MTX2: variants seen among roughly 807,000 people sequenced by gnomAD.
MTX2 encodes the protein metaxin-2.
A neutral mutation model predicts 42.3 loss-of-function variants in MTX2; 35 were observed. The ratio of observed to expected loss-of-function variants is 0.83; its 90% CI spans 0.63 to 1.10. The LOEUF (loss-of-function observed/expected upper bound fraction) is 1.10, where lower values mean the gene tolerates loss of function less well. MTX2 is among the 50% of genes least tolerant of loss of function. The pLI, the probability that MTX2 is intolerant of heterozygous loss-of-function variation, is 0.00. For synonymous variants in MTX2, 119 were observed against 100.9 expected, an observed-to-expected ratio of 1.18 and a Z score of -1.08; for missense variants, 307 against 304.1, an observed-to-expected ratio of 1.01 and a Z score of -0.07.
At chr2:176,330,500 A>T (rs1003673490) in intron 8 of MTX2, 84 bp from the exon 9 acceptor site, 2 of 909,352 alleles carry the variant, frequency 2.2e-6, no homozygotes, top group Non-Finnish European at 3.3e-6. Flanking sequence ...TTTGTTATAA[A>T]CTGTGATACA....
rs914345373 is a variant in MTX2 at position 176,324,610 on chromosome 2, A to G, written c.208+1146A>G. ...CAAACAGTTTGTATATTTATGTAAAAAGGTTAGAAGGTTAGTAATCTAATG... is the reference window on the plus strand; with the variant it reads ...CAAACAGTTTGTATATTTATGTAAAGAGGTTAGAAGGTTAGTAATCTAATG... On this transcript the variant is annotated intron_variant, in intron 4 of 9. Transcript: ENST00000249442. Among the ~76,000 whole-genome samples, 5 of 151,608 alleles carry G rather than the reference A, an allele frequency of 3.3e-5. No homozygotes were observed. The South Asian group carries it at 1.0e-3, about 31-fold the overall frequency.
At position 176,307,263 on chromosome 2, in the gene MTX2, C is replaced by G. The variant is rs189214622; in HGVS notation, c.135+9368C>G. Among the ~76,000 whole-genome samples the G allele has an allele frequency of 1.6e-3, 244 of 152,242 alleles. 2 individuals are homozygous for G. Among genetic ancestry groups the G allele is most frequent in the African/African-American group, 5.4e-3 (224 of 41,538 alleles). On this transcript the variant is annotated intron_variant, in intron 3 of 9. Coordinates refer to ENST00000249442, the MANE Select transcript of MTX2 (RefSeq NM_006554.5). Reference sequence around the variant, plus strand: ...GAGGGCTCTGTTCTGTTCCATTGGTCTATATCTGTGTTTTGGTACCAGTAC... The same window carrying G: ...GAGGGCTCTGTTCTGTTCCATTGGTGTATATCTGTGTTTTGGTACCAGTAC...
In MTX2 at chr2:176,278,041, G is replaced by GTTTTT. The variant is rs59379339; in HGVS notation, c.40+8395_40+8399dup. On this transcript the variant is annotated intron_variant, in intron 1 of 9. Transcript: ENST00000249442. ...TGTATTGCTGAATAGGTTGAAACTG[G>GTTTTT]TTTTTTTTTTTTTTTTTTTTTTTTT... is the stretch of plus-strand genomic sequence containing the variant. Among the ~76,000 whole-genome samples the GTTTTT allele has an allele frequency of 8.3e-5, 7 of 84,836 alleles. 1 individual carries two copies. The highest frequency in any genetic ancestry group is 3.8e-4 in the East Asian group (1 of 2,648). 55.7% of individuals were successfully genotyped at this position (84,836 alleles called of 152,430 possible). A position where few individuals can be genotyped will look rare whatever the true frequency, so the allele number is the denominator to read the frequency against.
intron 9 of MTX2, among the ~76,000 whole-genome samples, 172 bp from the exon 10 acceptor site, chr2:176,337,321 C>A (rs2105452141): frequency 6.6e-6 from 1 of 152,286 alleles, no homozygotes. Flanking sequence ...GGATTACAGG[C>A]ATGAGCCACC....
intron 3 of MTX2, among the ~76,000 whole-genome samples, chr2:176,318,784 A>G (rs571424034): frequency 6.6e-6 from 1 of 152,184 alleles, no homozygotes; most frequent in Admixed American, 6.5e-5. Context: ...GTTGTTATAT[A>G]TCCATGCTGT....
intron 1 of MTX2, among the ~76,000 whole-genome samples, chr2:176,296,546 A>C (rs986209805): frequency 1.3e-5 from 2 of 152,210 alleles, no homozygotes; most frequent in African/African-American, 2.4e-5. Context: ...GTTTGAAAGA[A>C]GCTAAAGGAA....
chr2:176,283,778 A>G (rs904167136), intron 1 of MTX2, among the ~76,000 whole-genome samples: 6 of 152,236 alleles, frequency 3.9e-5, no homozygotes, highest in Non-Finnish European at 7.3e-5. Context: ...TTAGAGAACC[A>G]TTAAACTATT....
chr2:176,299,527 A>C (rs868403803), intron 3 of MTX2, among the ~76,000 whole-genome samples: 47 of 152,154 alleles, frequency 3.1e-4, no homozygotes, highest in African/African-American at 3.1e-4. Flanking sequence ...TACAATGTAG[A>C]ATTTTCCTTA....
intron 4 of MTX2, among the ~76,000 whole-genome samples, chr2:176,324,362 T>G (rs946944075): frequency 6.6e-6 from 1 of 151,664 alleles, no homozygotes; most frequent in Non-Finnish European, 1.5e-5. Context: ...CATAATGTTC[T>G]TTTATATAAA....
intron 3 of MTX2, among the ~76,000 whole-genome samples, chr2:176,312,878 A>G (rs1684349170): frequency 6.6e-6 from 1 of 151,308 alleles, no homozygotes; most frequent in African/African-American, 2.4e-5. Flanking sequence ...AAAAAAAAAA[A>G]AAAAAAGAAA....
At chr2:176,300,012 C>T (rs1158148309) in intron 3 of MTX2, among the ~76,000 whole-genome samples, 1 of 151,846 alleles carries the variant, frequency 6.6e-6, no homozygotes, top group East Asian at 1.9e-4. Flanking sequence ...AGCTATTTCC[C>T]CTTAGATTTG....
At chr2:176,270,125 C>G in intron 1 of MTX2, 1 of 287,904 alleles carries the variant, frequency 3.5e-6, no homozygotes, top group Non-Finnish European at 6.8e-6. Context: ...CTTGCTTCGT[C>G]TCCCAGCGAC....
intron 1 of MTX2, among the ~76,000 whole-genome samples, chr2:176,278,597 T>A (rs1245961714): frequency 2.6e-5 from 4 of 152,182 alleles, no homozygotes; most frequent in Non-Finnish European, 5.9e-5. Context: ...GACTTTTGAG[T>A]TATTAACGTT....
chr2:176,330,542 C>A, intron 8 of MTX2, 42 bp from the exon 9 acceptor site: 2 of 1,376,464 alleles, frequency 1.5e-6, no homozygotes, highest in South Asian at 1.6e-5. Flanking sequence ...TATTGTTTTG[C>A]TAATTGAAAT....
chr2:176,321,127 TCTC>T lies in MTX2; in HGVS notation c.136-2260_136-2258del, dbSNP rs545122273. ...TATGTAATAGAAGGGAGGCAACTCT[TCTC>T]CTCCCTTCTTCCTTGTTTTCAGATC... On this transcript the variant is annotated intron_variant, in intron 3 of 9. Coordinates refer to ENST00000249442, the MANE Select transcript of MTX2 (RefSeq NM_006554.5). 1.6e-4 allele frequency among the ~76,000 whole-genome samples: 24 copies of T among 152,310 alleles called. No individual in the cohort carries two copies. The East Asian group carries it at 4.0e-3, about 26-fold the overall frequency.
intron 1 of MTX2, among the ~76,000 whole-genome samples, chr2:176,282,286 T>TG (rs1483798369): frequency 6.6e-6 from 1 of 152,096 alleles, no homozygotes; most frequent in East Asian, 1.9e-4. Flanking sequence ...TAACAATTCT[T>TG]GCCTTTCATG....
rs947692642 is a variant in MTX2, at chr2:176,269,481, T to G, written c.-149T>G. The G allele has an allele frequency of 6.8e-6, 6 of 883,514 alleles. No individual in the cohort carries two copies. Among genetic ancestry groups the G allele is most frequent in the Non-Finnish European group, 9.8e-6 (6 of 614,296 alleles). The allele number at this position is 883,514 out of a possible 1,614,324, so 54.7% of individuals were successfully genotyped here. A position where few individuals can be genotyped will look rare whatever the true frequency, so the allele number is the denominator to read the frequency against. ...CTGGCGGTAACCTTGGGGGCCTCAC[T>G]GCAGCCGCCGCTGCTGTTGGAGTGG... is the stretch of plus-strand genomic sequence containing the variant. On this transcript the variant is annotated 5_prime_UTR_variant, in exon 1 of 10. Coordinates refer to ENST00000249442, the MANE Select transcript of MTX2 (RefSeq NM_006554.5).
At chr2:176,321,064 T>A (rs569475519) in intron 3 of MTX2, among the ~76,000 whole-genome samples, 1 of 152,264 alleles carries the variant, frequency 6.6e-6, no homozygotes, top group South Asian at 2.1e-4. Flanking sequence ...CCATTATTTT[T>A]TTTCTCTTTG....
chr2:176,318,814 CATCAT>C (rs1684507149), intron 3 of MTX2, among the ~76,000 whole-genome samples: 1 of 152,214 alleles, frequency 6.6e-6, no homozygotes, highest in African/African-American at 2.4e-5. Flanking sequence ...ATCCAGTAGA[CATCAT>C]CACATCACAC....
Sources: gnomAD v4.1 joint callset for allele counts (sites outside exome capture counted in the v4.1 genomes callset) on GRCh38, gnomAD v4.1.1 for gene constraint, MANE v1.5 for transcripts, NCBI Gene and HGNC (gene_info 2026-07-23, HGNC 2026-07-21) for gene names.